Variants in CHIC2 observed in about 807,000 individuals in gnomAD.
CHIC2 encodes cysteine rich hydrophobic domain 2.
A neutral mutation model predicts 25.9 loss-of-function variants in CHIC2; 14 were observed. That is an observed-to-expected ratio of 0.54 (90% confidence interval 0.36 to 0.85). The LOEUF is 0.85. Among genes scored for constraint, CHIC2 ranks in the 40% least tolerant of loss-of-function variants. The pLI, the probability that CHIC2 is intolerant of heterozygous loss-of-function variation, is 0.01. For missense variants in CHIC2, 146 were observed against 202.0 expected (o/e 0.72, Z 1.68); for synonymous variants, 70 against 72.0 (o/e 0.97, Z 0.14).
At chr4:54,028,534 G>A (rs1380820275) in intron 3 of CHIC2, among the ~76,000 whole-genome samples, 1 of 152,116 alleles carries the variant, frequency 6.6e-6, no homozygotes, top group Non-Finnish European at 1.5e-5. Context: ...CTCCATCACT[G>A]GTAAAGAGTG....
the CHIC2 span, among the ~76,000 whole-genome samples, chr4:54,081,842 G>A: frequency 6.6e-6 from 1 of 152,118 alleles, no homozygotes; most frequent in African/African-American, 2.4e-5. Context: ...GATTATAGGT[G>A]TGAGCCATAG....
At chr4:54,080,164 A>ATATATATATATGTGTATATATATGTG in the CHIC2 span, among the ~76,000 whole-genome samples, 1 of 148,192 alleles carries the variant, frequency 6.7e-6, no homozygotes, top group Non-Finnish European at 1.5e-5. Context: ...ATGTATGTGT[A>ATATATATATATGTGTATATATATGTG]TATATATATG....
At chr4:54,013,776 A>C in intron 5 of CHIC2, 61 bp downstream of exon 5, 1 of 1,527,630 alleles carries the variant, frequency 6.5e-7, no homozygotes, top group Non-Finnish European at 9.1e-7. Flanking sequence ...AAAGAATAAG[A>C]TCAGAAGCAA....
chr4:54,067,247 G>A (rs934899381), upstream of CHIC2, among the ~76,000 whole-genome samples: 14 of 151,982 alleles, frequency 9.2e-5, no homozygotes, highest in African/African-American at 3.1e-4. Flanking sequence ...TACGGTAGAG[G>A]CAGGGAATTG....
intron 3 of CHIC2, among the ~76,000 whole-genome samples, chr4:54,042,653 T>C (rs553190384): frequency 2.0e-5 from 3 of 151,688 alleles, no homozygotes; most frequent in African/African-American, 7.3e-5. Flanking sequence ...AATGCCCACA[T>C]AGCAGAAGGG....
intron 1 of CHIC2, among the ~76,000 whole-genome samples, chr4:54,052,371 T>A (rs1222734302): frequency 2.0e-5 from 3 of 152,192 alleles, no homozygotes. Flanking sequence ...GGCATCTATG[T>A]TTTGTTTTCA....
At chr4:54,080,952 ATATATATATATATATAT>A in the CHIC2 span, among the ~76,000 whole-genome samples, 1 of 55,680 alleles carries the variant, frequency 1.8e-5, no homozygotes, top group Non-Finnish European at 3.5e-5. Context: ...GTATATATAT[ATATATATATATATATAT>A]ATATATATAT....
intron 3 of CHIC2, among the ~76,000 whole-genome samples, chr4:54,034,167 G>A (rs1716313003): frequency 6.6e-6 from 1 of 152,096 alleles, no homozygotes. Flanking sequence ...CACTTTGGGA[G>A]GCTGAGGTGG....
intron 3 of CHIC2, among the ~76,000 whole-genome samples, chr4:54,035,994 T>G (rs1716371803): frequency 6.6e-6 from 1 of 152,216 alleles, no homozygotes; most frequent in Non-Finnish European, 1.5e-5. Flanking sequence ...TTTCAAATAT[T>G]TGGGAATTTT....
At chr4:54,037,573 T>C (rs1032490581) in intron 3 of CHIC2, among the ~76,000 whole-genome samples, 1 of 152,168 alleles carries the variant, frequency 6.6e-6, no homozygotes, top group Non-Finnish European at 1.5e-5. Context: ...GTATGTGTAG[T>C]TTATTGTATG....
intron 5 of CHIC2, among the ~76,000 whole-genome samples, chr4:54,012,532 ACCTC>A (rs1715626604): frequency 6.6e-6 from 1 of 152,134 alleles, no homozygotes; most frequent in South Asian, 2.1e-4. Context: ...AAAAATTAAT[ACCTC>A]AGTTTTAAGC....
chr4:54,053,994 T>C (rs1717090551), intron 1 of CHIC2, among the ~76,000 whole-genome samples: 1 of 152,190 alleles, frequency 6.6e-6, no homozygotes, highest in Non-Finnish European at 1.5e-5. Context: ...TTTCACCATG[T>C]TGGCCAGGCT....
chr4:54,089,414 T>TATATATATATATAC, the CHIC2 span, among the ~76,000 whole-genome samples: 1 of 117,816 alleles, frequency 8.5e-6, no homozygotes, highest in African/African-American at 3.0e-5. Flanking sequence ...TATATATATA[T>TATATATATATATAC]ACACACACAT....
intron 3 of CHIC2, among the ~76,000 whole-genome samples, chr4:54,042,225 TTAAATG>T (rs1274892288): frequency 6.6e-6 from 1 of 152,136 alleles, no homozygotes; most frequent in Non-Finnish European, 1.5e-5. Flanking sequence ...CCATATAAAA[TTAAATG>T]CATCAAATAA....
At chr4:54,063,210 T>C (rs563888300) in intron 1 of CHIC2, among the ~76,000 whole-genome samples, 75 of 152,362 alleles carry the variant, frequency 4.9e-4, no homozygotes, top group Non-Finnish European at 5.6e-4. Context: ...CTGGCTCTTT[T>C]GTTTCACTGA....
At chr4:54,021,729 C>A (rs1715905124) in intron 3 of CHIC2, among the ~76,000 whole-genome samples, 2 of 152,118 alleles carry the variant, frequency 1.3e-5, no homozygotes, top group African/African-American at 2.4e-5. Context: ...CAGTCCATGG[C>A]CCGTTTGGCA....
chr4:54,076,835 A>G, the CHIC2 span: 1 of 152,252 alleles, frequency 6.6e-6, no homozygotes, highest in Admixed American at 6.5e-5. Context: ...GGTACCTTTC[A>G]GAGTGCAAAG....
intron 3 of CHIC2, among the ~76,000 whole-genome samples, chr4:54,015,029 A>G (rs1198119617): frequency 6.6e-6 from 1 of 152,158 alleles, no homozygotes; most frequent in Non-Finnish European, 1.5e-5. Flanking sequence ...TCAAGCAAGG[A>G]TTAGCTAGGT....
At chr4:54,074,172 A>G in the CHIC2 span, among the ~76,000 whole-genome samples, 2 of 151,984 alleles carry the variant, frequency 1.3e-5, no homozygotes, top group East Asian at 1.9e-4. Flanking sequence ...AAAAAAAGTC[A>G]TAGGTTTTTT....
Sources: allele counts gnomAD v4.1 joint callset (sites outside exome capture counted in the v4.1 genomes callset), GRCh38; gene constraint gnomAD v4.1.1; transcripts MANE v1.5; gene names NCBI Gene and HGNC (gene_info 2026-07-23, HGNC 2026-07-21).